TGIF2: variants seen among roughly 807,000 people sequenced by gnomAD.
TGIF2 encodes the protein homeobox protein TGIF2.
In TGIF2, 5 loss-of-function variants were observed where a neutral mutation model predicts 15.1. That is an observed-to-expected ratio of 0.33 (90% CI 0.17 to 0.70). The LOEUF (loss-of-function observed/expected upper bound fraction) is 0.70. TGIF2 is among the 30% of genes least tolerant of loss of function. The pLI is 0.67. For missense variants in TGIF2, 264 were observed against 302.5 expected, an observed-to-expected ratio of 0.87 and a Z score of 0.94; for synonymous variants, 131 against 128.9, an observed-to-expected ratio of 1.02 and a Z score of -0.11.
rs1020371782 is a variant in TGIF2 at position 36,573,622 on chromosome 20, G to T, written c.-158G>T. 7 of 151,590 alleles carry T rather than the reference G, an allele frequency of 4.6e-5. No individual in the cohort carries two copies. In the South Asian group the frequency reaches 1.2e-3, roughly 27 times the overall value. 9.4% of individuals were successfully genotyped at this position (151,590 alleles called of 1,614,324 possible). On this transcript the variant is annotated 5_prime_UTR_variant, in exon 1 of 3. Coordinates refer to ENST00000373872, the MANE Select transcript of TGIF2 (RefSeq NM_021809.7). ...AGGCCGCGAGGTGCTTTCCAGCCGCGAGCTGTCAGGCCGAGTGTCAGGCCG... is the reference window on the plus strand; with the variant it reads ...AGGCCGCGAGGTGCTTTCCAGCCGCTAGCTGTCAGGCCGAGTGTCAGGCCG...
Position 36,589,837 on chromosome 20 carries a change from C to T in TGIF2, c.193-1073C>T, listed in dbSNP as rs148791244. Among the ~76,000 whole-genome samples the T allele has an allele frequency of 5.5e-3, 835 of 152,174 alleles. 9 individuals carry two copies. The highest frequency in any genetic ancestry group is 0.02 in the African/African-American group (810 of 41,508). Reference sequence around the variant, plus strand: ...GCAAGTAGCCGAGACTACAGACACGCACCACCATACCCAGCTAATTTTTGT... The same window carrying T: ...GCAAGTAGCCGAGACTACAGACACGTACCACCATACCCAGCTAATTTTTGT... On this transcript the variant is annotated intron_variant, in intron 2 of 2. Coordinates refer to ENST00000373872, the MANE Select transcript of TGIF2 (RefSeq NM_021809.7).
At chr20:36,579,415 C>T (rs2038499240) in intron 2 of TGIF2, among the ~76,000 whole-genome samples, 3 of 152,196 alleles carry the variant, frequency 2.0e-5, no homozygotes, top group Admixed American at 2.0e-4. Context: ...TTGTGATTCA[C>T]CCGCCTCAGC....
intron 2 of TGIF2, among the ~76,000 whole-genome samples, chr20:36,585,743 T>C (rs1198499773): frequency 6.6e-6 from 1 of 152,184 alleles, no homozygotes; most frequent in Admixed American, 6.5e-5. Flanking sequence ...CACAGGTCCC[T>C]TCGACATCCT....
chr20:36,576,584 G>T (rs2147920080), intron 1 of TGIF2, among the ~76,000 whole-genome samples: 1 of 152,080 alleles, frequency 6.6e-6, no homozygotes, highest in Admixed American at 6.6e-5. Flanking sequence ...CTGGGGGTGG[G>T]ATTTTTTTCC....
chr20:36,579,008 G>T (rs769036983), intron 2 of TGIF2, 42 bp downstream of exon 2: 19 of 1,596,188 alleles, frequency 1.2e-5, no homozygotes, highest in Admixed American at 1.7e-5. Flanking sequence ...GGAGGACCTG[G>T]GTTCTAGTCC....
rs578259474 is a variant in TGIF2 at position 36,579,037 on chromosome 20, G to A, written c.192+71G>A. The A allele has an allele frequency of 5.2e-6, 8 of 1,547,278 alleles. 1 individual carries two copies. The South Asian group carries it at 9.8e-5, about 19-fold the overall frequency. ...CTAGTCCTATTCCAGCTGTGTCACTGAGTCACTGTGGTCTTGGGCCACTCA... is the reference window on the plus strand; with the variant it reads ...CTAGTCCTATTCCAGCTGTGTCACTAAGTCACTGTGGTCTTGGGCCACTCA... On this transcript the variant is annotated intron_variant, in intron 2 of 2. Coordinates refer to ENST00000373872, the MANE Select transcript of TGIF2 (RefSeq NM_021809.7).
intron 1 of TGIF2, 83 bp from the exon 2 acceptor site, chr20:36,578,658 C>T (rs1257757759): frequency 6.3e-6 from 9 of 1,430,666 alleles, no homozygotes; most frequent in Admixed American, 2.4e-5. Flanking sequence ...GTCCCAGGCT[C>T]AAGTAATGCT....
chr20:36,588,276 T>C (rs2038699686), intron 2 of TGIF2, among the ~76,000 whole-genome samples: 1 of 150,478 alleles, frequency 6.6e-6, no homozygotes, highest in African/African-American at 2.4e-5. Context: ...GTGAGGTGGC[T>C]GGCATGATAC....
At chr20:36,590,265 G>T (rs1326362585) in intron 2 of TGIF2, among the ~76,000 whole-genome samples, 2 of 151,692 alleles carry the variant, frequency 1.3e-5, no homozygotes, top group African/African-American at 2.4e-5. Context: ...CCGGGGGAGG[G>T]TCTTCATGTC....
rs1175552021 is a variant in TGIF2 at position 36,578,837 on chromosome 20, C to T, written c.63C>T (p.Arg21=). 1 of 1,614,074 alleles carries T rather than the reference C, an allele frequency of 6.2e-7. No individual in the cohort carries two copies. The highest frequency in any genetic ancestry group is 1.7e-5 in the Admixed American group (1 of 59,998). The change falls in exon 2 of 3, where the codon CGC becomes CGT. Residue 21 remains arginine, a synonymous_variant. Coordinates refer to ENST00000373872, the MANE Select transcript of TGIF2 (RefSeq NM_021809.7). ...TCTCCCTGGCGGGCAAAAGGAAGCG[C>T]AGGGGGAACCTGCCCAAGGAGTCGG... ...GLLSLAGKRK[R]RGNLPKESVK...
intron 2 of TGIF2, among the ~76,000 whole-genome samples, chr20:36,584,554 T>TG (rs2038613723): frequency 6.7e-6 from 1 of 148,668 alleles, no homozygotes. Context: ...ATTAATTAAT[T>TG]TTTTTTTTTT....
At chr20:36,586,215 T>C (rs954823550) in intron 2 of TGIF2, among the ~76,000 whole-genome samples, 1 of 152,178 alleles carries the variant, frequency 6.6e-6, no homozygotes, top group Non-Finnish European at 1.5e-5. Context: ...TGAACTTCTG[T>C]GTAAGCTTTT....
intron 2 of TGIF2, among the ~76,000 whole-genome samples, chr20:36,584,823 C>T (rs1321009532): frequency 6.6e-6 from 1 of 152,150 alleles, no homozygotes; most frequent in Non-Finnish European, 1.5e-5. Context: ...GGATTACAGG[C>T]GTGAGCCACT....
intron 2 of TGIF2, among the ~76,000 whole-genome samples, chr20:36,580,081 C>T (rs1433099182): frequency 7.9e-5 from 12 of 152,134 alleles, no homozygotes; most frequent in Admixed American, 7.9e-4. Flanking sequence ...CCCTGCTGGC[C>T]CCCACTGCTC....
intron 2 of TGIF2, among the ~76,000 whole-genome samples, chr20:36,589,443 A>G (rs2038724323): frequency 6.6e-6 from 1 of 150,798 alleles, no homozygotes. Flanking sequence ...CCCACGCTGG[A>G]GTGCAATGGC....
intron 1 of TGIF2, among the ~76,000 whole-genome samples, chr20:36,576,297 A>G (rs2038427987): frequency 6.6e-6 from 1 of 152,082 alleles, no homozygotes; most frequent in African/African-American, 2.4e-5. Flanking sequence ...TTGCTCATTC[A>G]CCTGGATTTT....
intron 2 of TGIF2, among the ~76,000 whole-genome samples, chr20:36,589,457 G>C (rs931445341): frequency 6.6e-6 from 1 of 151,456 alleles, no homozygotes; most frequent in Admixed American, 6.6e-5. Context: ...CAATGGCGTG[G>C]TCATGGCTCA....
intron 2 of TGIF2, among the ~76,000 whole-genome samples, chr20:36,586,090 C>T (rs1442433878): frequency 1.3e-5 from 2 of 152,188 alleles, no homozygotes; most frequent in Non-Finnish European, 2.9e-5. Flanking sequence ...CCAGGGCAGC[C>T]AGGGATGTAG....
At chr20:36,574,522 A>C (rs1387901257) in intron 1 of TGIF2, 6 of 143,492 alleles carry the variant, frequency 4.2e-5, no homozygotes, top group Non-Finnish European at 9.1e-5. Context: ...CCCAGTTCGG[A>C]GCACAAAGCC....
Sources: allele counts gnomAD v4.1 joint callset (sites outside exome capture counted in the v4.1 genomes callset), GRCh38; gene constraint gnomAD v4.1.1; transcripts MANE v1.5; gene names NCBI Gene and HGNC (gene_info 2026-07-23, HGNC 2026-07-21).